Variants in TRIM9 observed in about 807,000 individuals in gnomAD.
The protein encoded by TRIM9 is E3 ubiquitin-protein ligase TRIM9.
In TRIM9, 26 loss-of-function variants were observed where a neutral mutation model predicts 78.3. That is an observed-to-expected ratio of 0.33 (90% CI 0.24 to 0.46). The LOEUF is 0.46. TRIM9 is among the 20% of genes least tolerant of loss of function. TRIM9 has a pLI of 1.00. For missense variants in TRIM9, 787 were observed against 1,036.4 expected, an observed-to-expected ratio of 0.76 and a Z score of 3.30; for synonymous variants, 398 against 416.5, an observed-to-expected ratio of 0.96 and a Z score of 0.54.
chr14:51,050,746 C>T (rs1596269654), intron 1 of TRIM9, among the ~76,000 whole-genome samples: 1 of 152,120 alleles, frequency 6.6e-6, no homozygotes, highest in Non-Finnish European at 1.5e-5. Context: ...GTTTTTCCCT[C>T]CATCCCCCTC....
chr14:50,991,368 C>T (rs2053487071), intron 7 of TRIM9, among the ~76,000 whole-genome samples: 1 of 152,144 alleles, frequency 6.6e-6, no homozygotes, highest in South Asian at 2.1e-4. Flanking sequence ...TCTCTCTTTT[C>T]TGGGCTCTGA....
At chr14:51,031,227 TC>T (rs1337442048) in intron 1 of TRIM9, among the ~76,000 whole-genome samples, 6 of 149,230 alleles carry the variant, frequency 4.0e-5, no homozygotes, top group Admixed American at 4.0e-4. Flanking sequence ...ATAGCCAGGG[TC>T]CTCTGAGCCC....
chr14:51,046,747 C>G (rs943389475), intron 1 of TRIM9, among the ~76,000 whole-genome samples: 11 of 152,238 alleles, frequency 7.2e-5, no homozygotes, highest in African/African-American at 2.6e-4. Context: ...CCGTAAAACC[C>G]TGGGCAAATT....
At chr14:50,978,766 G>GC (rs562525447) in intron 12 of TRIM9, 1 of 316,198 alleles carries the variant, frequency 3.2e-6, no homozygotes, top group Non-Finnish European at 4.2e-6. Context: ...CTGTTTTTTT[G>GC]TTTTTTTTTT....
intron 9 of TRIM9, 27 bp from the exon 10 acceptor site, chr14:50,982,992 G>C: frequency 1.3e-6 from 2 of 1,546,962 alleles, no homozygotes; most frequent in Non-Finnish European, 1.7e-6. Context: ...TGAAAGGCAT[G>C]GGGGAGAGAG....
chr14:51,080,449 ACACAC>A, intron 1 of TRIM9, among the ~76,000 whole-genome samples: 1 of 125,736 alleles, frequency 8.0e-6, no homozygotes, highest in East Asian at 2.1e-4. Flanking sequence ...ACACACACAC[ACACAC>A]ACACACACAC....
chr14:51,047,787 T>C (rs1374164669), intron 1 of TRIM9, among the ~76,000 whole-genome samples: 1 of 152,114 alleles, frequency 6.6e-6, no homozygotes, highest in Non-Finnish European at 1.5e-5. Flanking sequence ...AGCTTTCAAT[T>C]GGGGGAACAC....
intron 2 of TRIM9, 74 bp from the exon 3 acceptor site, chr14:51,023,031 C>G (rs941923946): frequency 6.3e-7 from 1 of 1,590,910 alleles, no homozygotes; most frequent in Non-Finnish European, 8.5e-7. Flanking sequence ...AGAGCTCCCC[C>G]ATCCTGCTGA....
intron 1 of TRIM9, among the ~76,000 whole-genome samples, chr14:51,072,558 A>G (rs2062385197): frequency 6.6e-6 from 1 of 152,244 alleles, no homozygotes; most frequent in Non-Finnish European, 1.5e-5. Flanking sequence ...AGAAAATGGA[A>G]AGGAAAAAGA....
chr14:51,089,010 G>C (rs2064052580), intron 1 of TRIM9: 1 of 151,828 alleles, frequency 6.6e-6, no homozygotes, highest in African/African-American at 2.4e-5. Context: ...AAGACTCTCA[G>C]TGGACACTGA....
intron 1 of TRIM9, among the ~76,000 whole-genome samples, chr14:51,045,591 C>G (rs1355206102): frequency 6.6e-6 from 1 of 152,146 alleles, no homozygotes; most frequent in Non-Finnish European, 1.5e-5. Context: ...TAGCATAAAT[C>G]CACATTGGTA....
At chr14:51,061,350 T>C (rs1051055410) in intron 1 of TRIM9, among the ~76,000 whole-genome samples, 1 of 149,280 alleles carries the variant, frequency 6.7e-6, no homozygotes, top group Non-Finnish European at 1.5e-5. Context: ...GAGGCGGAGG[T>C]TGCAGTGAGC....
At chr14:50,986,273 A>T (rs1405414323) in intron 7 of TRIM9, 129 bp from the exon 8 acceptor site, 2 of 821,910 alleles carry the variant, frequency 2.4e-6, no homozygotes, top group Non-Finnish European at 3.3e-6. Flanking sequence ...TGCCACACTC[A>T]GGCATTTACA....
At chr14:50,997,852 G>A in intron 7 of TRIM9, 198 bp downstream of exon 7, 1 of 1,402,014 alleles carries the variant, frequency 7.1e-7, no homozygotes, top group Non-Finnish European at 9.3e-7. Flanking sequence ...CTGCCGATGT[G>A]GAATCTTTGG....
At chr14:51,080,996 C>T (rs1367453954) in intron 1 of TRIM9, among the ~76,000 whole-genome samples, 3 of 152,174 alleles carry the variant, frequency 2.0e-5, no homozygotes, top group African/African-American at 4.8e-5. Flanking sequence ...TGCAGTAGGT[C>T]GTGATAGGCC....
chr14:51,051,043 T>C (rs1353044457), intron 1 of TRIM9, among the ~76,000 whole-genome samples: 2 of 152,236 alleles, frequency 1.3e-5, no homozygotes, highest in Non-Finnish European at 2.9e-5. Flanking sequence ...AGTTATTAAG[T>C]GTCTGAGATC....
At chr14:51,068,285 A>G (rs1221130701) in intron 1 of TRIM9, among the ~76,000 whole-genome samples, 1 of 152,212 alleles carries the variant, frequency 6.6e-6, no homozygotes, top group Non-Finnish European at 1.5e-5. Context: ...GTAAGGTCAC[A>G]CTCAAAGCAG....
intron 1 of TRIM9, among the ~76,000 whole-genome samples, chr14:51,064,584 T>G (rs1170527578): frequency 1.3e-5 from 2 of 151,938 alleles, no homozygotes; most frequent in Non-Finnish European, 2.9e-5. Flanking sequence ...TATTTCAAAG[T>G]TGGTAGTTGG....
intron 1 of TRIM9, among the ~76,000 whole-genome samples, chr14:51,070,481 T>C (rs1449281655): frequency 1.3e-5 from 2 of 152,018 alleles, no homozygotes; most frequent in African/African-American, 4.8e-5. Flanking sequence ...GTATTCATTA[T>C]CTAAAATGCC....
Sources: allele counts gnomAD v4.1 joint callset (sites outside exome capture counted in the v4.1 genomes callset), GRCh38; gene constraint gnomAD v4.1.1; transcripts MANE v1.5; gene names NCBI Gene and HGNC (gene_info 2026-07-23, HGNC 2026-07-21).